The following KCND2 variants were observed in gnomAD, a reference collection of about 807,000 sequenced individuals.
KCND2 encodes the protein potassium voltage-gated channel subfamily D member 2.
In KCND2, 16 loss-of-function variants were observed where a neutral mutation model predicts 54.4. The ratio of observed to expected loss-of-function variants is 0.29; its 90% CI spans 0.20 to 0.45. The LOEUF (loss-of-function observed/expected upper bound fraction) is 0.45, where lower values mean the gene tolerates loss of function less well. Among genes scored for constraint, KCND2 ranks in the 20% least tolerant of loss-of-function variants. KCND2 has a pLI of 1.00. For synonymous variants in KCND2, 317 were observed against 310.7 expected, an observed-to-expected ratio of 1.02 and a Z score of -0.21; for missense variants, 486 against 824.2, an observed-to-expected ratio of 0.59 and a Z score of 5.02.
chr7:120,502,028 G>C (rs1295657229), intron 1 of KCND2, among the ~76,000 whole-genome samples: 1 of 152,034 alleles, frequency 6.6e-6, no homozygotes, highest in East Asian at 1.9e-4. Context: ...TGGACAATGA[G>C]ATGTAATCAG....
intron 1 of KCND2, among the ~76,000 whole-genome samples, chr7:120,485,151 G>A (rs147683449): frequency 6.6e-6 from 1 of 152,256 alleles, no homozygotes; most frequent in African/African-American, 2.4e-5. Context: ...GTCTCCCAAT[G>A]TGCTGAGTTT....
At chr7:120,650,883 C>T (rs1418857053) in intron 1 of KCND2, among the ~76,000 whole-genome samples, 2 of 143,468 alleles carry the variant, frequency 1.4e-5, no homozygotes, top group African/African-American at 2.7e-5. Flanking sequence ...AGGTCCACTC[C>T]AGACCCTGTT....
chr7:120,313,166 T>G (rs1372073914), intron 1 of KCND2, among the ~76,000 whole-genome samples: 3 of 152,212 alleles, frequency 2.0e-5, no homozygotes, highest in Non-Finnish European at 4.4e-5. Context: ...GAAATTTTCT[T>G]TATCTGGCTT....
intron 1 of KCND2, among the ~76,000 whole-genome samples, chr7:120,684,774 G>A (rs780921567): frequency 1.3e-4 from 20 of 152,100 alleles, no homozygotes; most frequent in African/African-American, 2.7e-4. Context: ...TTCACCTTCC[G>A]TCAGGTCAGC....
At chr7:120,716,571 C>T (rs1042455459) in intron 1 of KCND2, among the ~76,000 whole-genome samples, 4 of 151,962 alleles carry the variant, frequency 2.6e-5, no homozygotes, top group African/African-American at 9.7e-5. Flanking sequence ...AAACAAATAC[C>T]CCTTTTAAAA....
chr7:120,276,636 A>G (rs1345779092), intron 1 of KCND2, among the ~76,000 whole-genome samples: 4 of 152,064 alleles, frequency 2.6e-5, no homozygotes, highest in Non-Finnish European at 5.9e-5. Flanking sequence ...TTGGGGGTAT[A>G]ATGAAGTTCT....
At position 120,274,638 on chromosome 7, in the gene KCND2, G is replaced by T; in HGVS notation, c.6G>T (p.Ala2=). The T allele has an allele frequency of 1.9e-6, 3 of 1,614,088 alleles. No homozygotes were observed. Among genetic ancestry groups the T allele is most frequent in the South Asian group, 2.2e-5 (2 of 91,064 alleles). The change falls in exon 1 of 6, where the codon GCG becomes GCT. Residue 2 remains alanine (A), a synonymous_variant. Coordinates refer to ENST00000331113, the MANE Select transcript of KCND2 (RefSeq NM_012281.3). ...TCCTTCCGCTTCAAGTAATCATGGC[G>T]GCGGGGGTGGCAGCGTGGCTGCCTT... is the stretch of plus-strand genomic sequence containing the variant. M[A]AGVAAWLPFA...
intron 1 of KCND2, among the ~76,000 whole-genome samples, chr7:120,654,995 T>G (rs1258337096): frequency 6.6e-6 from 1 of 152,110 alleles, no homozygotes; most frequent in Non-Finnish European, 1.5e-5. Context: ...ATGTATTACC[T>G]ATTCAAAAAT....
At chr7:120,353,760 A>C (rs1800450751) in intron 1 of KCND2, among the ~76,000 whole-genome samples, 1 of 152,174 alleles carries the variant, frequency 6.6e-6, no homozygotes, top group Admixed American at 6.5e-5. Context: ...TAAACTATTT[A>C]AATAATATTC....
Position 120,275,315 on chromosome 7 carries a change from C to T in KCND2, c.683C>T (p.Ala228Val). 1 of 1,613,740 alleles carries T rather than the reference C, an allele frequency of 6.2e-7. No homozygotes were observed. The highest frequency in any genetic ancestry group is 8.5e-7 in the Non-Finnish European group (1 of 1,179,946). Residue 228 changes from alanine to valine, a missense_variant, in exon 1 of 6, where the codon GCC becomes GTC. By Grantham distance (64) the Ala-to-Val change is moderately conservative. Around this residue, in one of 7 missense-constraint regions of KCND2, gnomAD observed 231 missense variants for 386.0 expected, o/e 0.60. Transcript: ENST00000331113. ...CCCTGTGGAGAGCGGTATGCTGTGG[C>T]CTTCTTCTGCTTGGACACGGCCTGC... ...ELPCGERYAVAFFCLDTACVM... is the reference protein window; with the variant it reads ...ELPCGERYAVVFFCLDTACVM...
At chr7:120,674,173 G>A (rs1792029213) in intron 1 of KCND2, among the ~76,000 whole-genome samples, 1 of 152,016 alleles carries the variant, frequency 6.6e-6, no homozygotes, top group African/African-American at 2.4e-5. Context: ...CCAAGTGCAG[G>A]GATTACAGGC....
chr7:120,696,334 A>G (rs989973112), intron 1 of KCND2, among the ~76,000 whole-genome samples: 5 of 152,222 alleles, frequency 3.3e-5, no homozygotes, highest in African/African-American at 1.2e-4. Context: ...TGCCAGGGCC[A>G]AGATTACTTT....
intron 1 of KCND2, among the ~76,000 whole-genome samples, chr7:120,289,071 CACACACAG>C (rs952925565): frequency 7.7e-5 from 3 of 39,206 alleles, no homozygotes; most frequent in African/African-American, 1.4e-4. Flanking sequence ...CACACACACA[CACACACAG>C]AGAGAGAGAG....
At chr7:120,451,753 G>A (rs562805046) in intron 1 of KCND2, among the ~76,000 whole-genome samples, 41 of 152,312 alleles carry the variant, frequency 2.7e-4, no homozygotes, top group Middle Eastern at 3.4e-3. Context: ...GACCAAGAGA[G>A]ATGAAATTTA....
intron 1 of KCND2, among the ~76,000 whole-genome samples, chr7:120,638,978 C>A (rs961766504): frequency 6.6e-6 from 1 of 152,122 alleles, no homozygotes; most frequent in Admixed American, 6.6e-5. Flanking sequence ...TTACCAAATT[C>A]CTCTTCAGTG....
chr7:120,383,427 T>C (rs1263389243), intron 1 of KCND2, among the ~76,000 whole-genome samples: 1 of 152,056 alleles, frequency 6.6e-6, no homozygotes. Context: ...TAAGTTTTTC[T>C]TCTTTTTCGT....
intron 1 of KCND2, among the ~76,000 whole-genome samples, chr7:120,358,614 C>T (rs1295543595): frequency 1.3e-5 from 2 of 151,944 alleles, no homozygotes; most frequent in African/African-American, 2.4e-5. Context: ...ACAGAAAATA[C>T]CTAAGTCTAC....
intron 1 of KCND2, among the ~76,000 whole-genome samples, chr7:120,526,310 C>T (rs956042107): frequency 6.6e-6 from 1 of 152,118 alleles, no homozygotes; most frequent in Non-Finnish European, 1.5e-5. Context: ...TCAGATGAAT[C>T]TCAACTAGGA....
chr7:120,715,093 A>G (rs1282044559), intron 1 of KCND2, among the ~76,000 whole-genome samples: 2 of 151,996 alleles, frequency 1.3e-5, no homozygotes, highest in African/African-American at 4.8e-5. Flanking sequence ...GCCTTTGCCG[A>G]TCAAAGTTGA....
Sources: allele counts gnomAD v4.1 joint callset (sites outside exome capture counted in the v4.1 genomes callset), GRCh38; gene constraint gnomAD v4.1.1; regional missense constraint gnomAD v4.1.1; transcripts MANE v1.5; gene names NCBI Gene and HGNC (gene_info 2026-07-23, HGNC 2026-07-21).